Variants in DERA observed in about 807,000 individuals in gnomAD.
DERA encodes the protein deoxyribose-phosphate aldolase, also known as 2-deoxy-D-ribose 5-phosphate aldolase.
In DERA, 15 loss-of-function variants were observed where a neutral mutation model predicts 41.1. The ratio of observed to expected loss-of-function variants is 0.37; its 90% CI spans 0.24 to 0.56. DERA has a LOEUF of 0.56. Ranked by LOEUF, DERA falls within the 20% of genes least tolerant of loss-of-function variation. The probability of loss-of-function intolerance (pLI) is 0.81; values close to 1 mark genes in which losing one functional copy is unlikely to be tolerated. For synonymous variants in DERA, 139 were observed against 137.4 expected, an observed-to-expected ratio of 1.01 and a Z score of -0.08; for missense variants, 396 against 403.4, an observed-to-expected ratio of 0.98 and a Z score of 0.16.
In DERA at chr12:16,000,945, CA is replaced by C. The variant is rs1341742161; in HGVS notation, c.637+18510del. On this transcript the variant is annotated intron_variant, in intron 6 of 8. Transcript: ENST00000428559. This position sits in a 1 kb window ranked among gnomAD's most constrained non-coding sequence, Gnocchi z 4.8. Reference sequence around the variant, plus strand: ...TTCTGCATTCTTGTTTTACAGTATTCAGTATTACAATGCCATTCAAAAATAT... The same window carrying C: ...TTCTGCATTCTTGTTTTACAGTATTCGTATTACAATGCCATTCAAAAATAT... 6.6e-6 allele frequency among the ~76,000 whole-genome samples: 1 copy of C among 152,056 alleles called. No individual in the cohort carries two copies. The highest frequency in any genetic ancestry group is 1.5e-5 in the Non-Finnish European group (1 of 68,032).
intron 5 of DERA, among the ~76,000 whole-genome samples, chr12:15,979,049 A>G (rs1948716673): frequency 6.6e-6 from 1 of 152,250 alleles, no homozygotes; most frequent in Non-Finnish European, 1.5e-5. Flanking sequence ...GTGTGAATCC[A>G]TATACTCAGG....
At chr12:16,029,131 A>T (rs1321357823) in intron 6 of DERA, among the ~76,000 whole-genome samples, 1 of 152,206 alleles carries the variant, frequency 6.6e-6, no homozygotes, top group Non-Finnish European at 1.5e-5. Flanking sequence ...AAACTAAAAG[A>T]TTATTTAAAA....
At position 15,983,135 on chromosome 12, in the gene DERA, CCT is replaced by C. The variant is rs931771259; in HGVS notation, c.637+700_637+701del. 1.3e-5 allele frequency among the ~76,000 whole-genome samples: 2 copies of C among 152,172 alleles called. No individual in the cohort carries two copies. The highest frequency in any genetic ancestry group is 2.9e-5 in the Non-Finnish European group (2 of 68,022). On this transcript the variant is annotated intron_variant, in intron 6 of 8. Coordinates refer to ENST00000428559, the MANE Select transcript of DERA (RefSeq NM_015954.4). The surrounding 1 kb of genome is among the most constrained non-coding windows in gnomAD (Gnocchi z 6.2). Reference sequence around the variant, plus strand: ...CCACAGGGATTACTTCAGCTGTTCCCCTGTCTTCCTGACTTTTGTTCCCCTCC... The same window carrying C: ...CCACAGGGATTACTTCAGCTGTTCCCGTCTTCCTGACTTTTGTTCCCCTCC...
At chr12:16,023,032 C>G (rs1382814608) in intron 6 of DERA, among the ~76,000 whole-genome samples, 7 of 152,200 alleles carry the variant, frequency 4.6e-5, no homozygotes, top group Non-Finnish European at 1.0e-4. Flanking sequence ...GGCATTTCCT[C>G]TCTAGTCTTT....
At position 15,959,830 on chromosome 12, in the gene DERA, C is replaced by G. The variant is rs966073823; in HGVS notation, c.279C>G (p.Gly93=). The G allele has an allele frequency of 6.5e-7, 1 of 1,540,046 alleles. No individual in the cohort carries two copies. Among genetic ancestry groups the G allele is most frequent in the Admixed American group, 2.0e-5 (1 of 50,930 alleles). The change falls in exon 4 of 9, where the codon GGC becomes GGG. Residue 93 remains glycine, a splice_region_variant and synonymous_variant. Transcript: ENST00000428559. This position sits in a 1 kb window ranked among gnomAD's most constrained non-coding sequence, Gnocchi z 4.5. The part of the protein sequence containing the change: ...LLKALNMHDK[G]ITTAAVCVYP... ...GCTATTCCTATTTTTTCTTGATAGG[C>G]ATTACTACAGCCGCCGTTTGTGTTT... is the stretch of plus-strand genomic sequence containing the variant.
intron 5 of DERA, among the ~76,000 whole-genome samples, chr12:15,978,616 A>C (rs1177553543): frequency 2.0e-5 from 3 of 152,214 alleles, no homozygotes; most frequent in Non-Finnish European, 4.4e-5. Flanking sequence ...TGTGCTATTC[A>C]AAGTAGCATG....
Position 16,010,145 on chromosome 12 carries a change from T to C in DERA, c.638-22397T>C, listed in dbSNP as rs1948937867. On this transcript the variant is annotated intron_variant, in intron 6 of 8. Coordinates refer to ENST00000428559, the MANE Select transcript of DERA (RefSeq NM_015954.4). The surrounding 1 kb of genome is among the most constrained non-coding windows in gnomAD (Gnocchi z 5.5). ...CTTCTGCTGTGAGGGAAATATAGCA[T>C]GTGAGCATATATATTCGTGGGCAAG... 6.6e-6 allele frequency among the ~76,000 whole-genome samples: 1 copy of C among 152,146 alleles called. No individual in the cohort carries two copies. Among genetic ancestry groups the C allele is most frequent in the South Asian group, 2.1e-4 (1 of 4,822 alleles).
chr12:16,010,694 C>T lies in DERA; in HGVS notation c.638-21848C>T, dbSNP rs896048814. 4.0e-5 allele frequency among the ~76,000 whole-genome samples: 6 copies of T among 151,862 alleles called. No individual in the cohort carries two copies. Among genetic ancestry groups the T allele is most frequent in the African/African-American group, 1.5e-4 (6 of 41,346 alleles). On this transcript the variant is annotated intron_variant, in intron 6 of 8. Coordinates refer to ENST00000428559, the MANE Select transcript of DERA (RefSeq NM_015954.4). This position sits in a 1 kb window ranked among gnomAD's most constrained non-coding sequence, Gnocchi z 5.5. The stretch of plus-strand genomic sequence containing the variant: ...GACTGCAGTCACCTAGATGGCCAAC[C>T]CCAGGGTTCCATATAGTAAATGCTT...
intron 7 of DERA, among the ~76,000 whole-genome samples, chr12:16,034,299 T>C (rs1202262297): frequency 6.6e-6 from 1 of 152,226 alleles, no homozygotes. Context: ...AATGAGTATG[T>C]TCCTTCTCAG....
intron 1 of DERA, among the ~76,000 whole-genome samples, chr12:15,929,192 C>A: frequency 6.6e-6 from 1 of 152,240 alleles, no homozygotes; most frequent in South Asian, 2.1e-4. Flanking sequence ...GTGGGTACAT[C>A]TAAGGACTCC....
At chr12:15,920,875 A>G (rs755995235) in intron 1 of DERA, among the ~76,000 whole-genome samples, 2 of 152,222 alleles carry the variant, frequency 1.3e-5, no homozygotes, top group Admixed American at 6.5e-5. Context: ...AATTATTTGT[A>G]TTATGGGGAG....
At chr12:15,980,384 A>G (rs1035623554) in intron 5 of DERA, among the ~76,000 whole-genome samples, 1 of 152,248 alleles carries the variant, frequency 6.6e-6, no homozygotes. Context: ...ATCATTAATT[A>G]AATCACAAGT....
rs1468305633 is a variant in DERA, at chr12:15,913,752, T to C, written c.31+2338T>C. Among the ~76,000 whole-genome samples the C allele has an allele frequency of 6.6e-6, 1 of 152,226 alleles. No individual in the cohort carries two copies. The highest frequency in any genetic ancestry group is 1.5e-5 in the Non-Finnish European group (1 of 68,040). ...AGGAAAACATTGGCATTTGGATGTA[T>C]GAAAGATGTTTTCCAAATAGGGAAT... On this transcript the variant is annotated intron_variant, in intron 1 of 8. Transcript: ENST00000428559. The surrounding 1 kb of genome is among the most constrained non-coding windows in gnomAD (Gnocchi z 4.5).
chr12:15,951,809 A>G (rs1300028128), intron 1 of DERA, among the ~76,000 whole-genome samples: 2 of 152,228 alleles, frequency 1.3e-5, no homozygotes, highest in South Asian at 2.1e-4. Context: ...TTTTATTTTA[A>G]AAAGCACACT....
chr12:16,020,818 T>C lies in DERA; in HGVS notation c.638-11724T>C, dbSNP rs1331369740. On this transcript the variant is annotated intron_variant, in intron 6 of 8. Transcript: ENST00000428559. This position sits in a 1 kb window ranked among gnomAD's most constrained non-coding sequence, Gnocchi z 5.5. ...CCTAGTAAAGAACTTGGCTGCATTA[T>C]GTTCATGCCCTAGGGATCTGAGGAA... 2.0e-5 allele frequency among the ~76,000 whole-genome samples: 3 copies of C among 152,202 alleles called. No individual in the cohort carries two copies. Among genetic ancestry groups the C allele is most frequent in the Non-Finnish European group, 1.5e-5 (1 of 68,030 alleles).
At chr12:16,032,742 G>A (rs1197939920) in intron 7 of DERA, 88 bp downstream of exon 7, 15 of 818,174 alleles carry the variant, frequency 1.8e-5, no homozygotes, top group East Asian at 5.4e-5. Flanking sequence ...TCTTTATATG[G>A]AGAAGTTGTG....
rs1948761308 is a variant in DERA at position 15,985,936 on chromosome 12, C to G, written c.637+3500C>G. Among the ~76,000 whole-genome samples, 1 of 152,120 alleles carries G rather than the reference C, an allele frequency of 6.6e-6. No individual in the cohort carries two copies. Among genetic ancestry groups the G allele is most frequent in the African/African-American group, 2.4e-5 (1 of 41,426 alleles). On this transcript the variant is annotated intron_variant, in intron 6 of 8. Transcript: ENST00000428559. The surrounding 1 kb of genome is among the most constrained non-coding windows in gnomAD (Gnocchi z 4.2). ...TTTGGTCTACTGGTTCTGTTTATTA[C>G]TAAGAGAGTGTTAAAGTCTCCAAAC...
At position 16,008,332 on chromosome 12, in the gene DERA, C is replaced by T. The variant is rs1457623701; in HGVS notation, c.638-24210C>T. ...AATAGCTTTCTCAAATCTCTCCTGC[C>T]TTGGTCCTTTCCTTCCACATTTTAT... On this transcript the variant is annotated intron_variant, in intron 6 of 8. Coordinates refer to ENST00000428559, the MANE Select transcript of DERA (RefSeq NM_015954.4). This position sits in a 1 kb window ranked among gnomAD's most constrained non-coding sequence, Gnocchi z 4.8. Among the ~76,000 whole-genome samples the T allele has an allele frequency of 6.6e-6, 1 of 152,222 alleles. No individual in the cohort carries two copies. Among genetic ancestry groups the T allele is most frequent in the Admixed American group, 6.5e-5 (1 of 15,288 alleles).
chr12:15,977,559 T>A (rs1948706099), intron 5 of DERA, among the ~76,000 whole-genome samples: 1 of 152,202 alleles, frequency 6.6e-6, no homozygotes, highest in South Asian at 2.1e-4. Context: ...TTCAAGTGAT[T>A]CTCCTGCCTC....
Sources: gnomAD v4.1 joint callset for allele counts (sites outside exome capture counted in the v4.1 genomes callset) on GRCh38, gnomAD v4.1.1 for gene constraint, Gnocchi (gnomAD v3.1) non-coding constraint, MANE v1.5 for transcripts, NCBI Gene and HGNC (gene_info 2026-07-23, HGNC 2026-07-21) for gene names.